STAC: variants seen among roughly 807,000 people sequenced by gnomAD.
STAC encodes the protein SH3 and cysteine rich domain, also known as SH3 and cysteine-rich domain-containing protein.
A neutral mutation model predicts 48.8 loss-of-function variants in STAC; 43 were observed. The observed-to-expected ratio is 0.88, with a 90% CI of 0.69 to 1.14. The LOEUF (loss-of-function observed/expected upper bound fraction) is 1.14, where lower values mean the gene tolerates loss of function less well. Among genes scored for constraint, STAC ranks in the 50% most tolerant of loss-of-function variants. The probability of loss-of-function intolerance (pLI) is 0.00; values close to 1 mark genes in which losing one functional copy is unlikely to be tolerated. For missense variants in STAC, 497 were observed against 504.0 expected (o/e 0.99, Z 0.13); for synonymous variants, 193 against 179.5 (o/e 1.07, Z -0.60).
intron 1 of STAC, among the ~76,000 whole-genome samples, chr3:36,413,259 AAT>A (rs57570544): frequency 0.023 from 3,530 of 152,142 alleles, 57 homozygotes; most frequent in East Asian, 0.026. Context: ...TGATCTGTCT[AAT>A]GTTGACAGTG....
chr3:36,443,332 G>A lies in STAC; in HGVS notation c.112-32G>A, dbSNP rs372827018. 2.3e-5 allele frequency: 37 copies of A among 1,612,546 alleles called. No homozygotes were observed. The highest frequency in any genetic ancestry group is 1.3e-4 in the Admixed American group (8 of 59,958). On this transcript the variant is annotated intron_variant, in intron 1 of 10. Coordinates refer to ENST00000273183, the MANE Select transcript of STAC (RefSeq NM_003149.3). The surrounding 1 kb of genome is among the most constrained non-coding windows in gnomAD (Gnocchi z 4.2). Reference sequence around the variant, plus strand: ...CCTAGGTCTGCTTGATCCATTGATCGTAAGAGAGACTGTTCTGTCATTGCA... The same window carrying A: ...CCTAGGTCTGCTTGATCCATTGATCATAAGAGAGACTGTTCTGTCATTGCA...
chr3:36,514,844 G>A (rs922481032), intron 8 of STAC, among the ~76,000 whole-genome samples: 1 of 152,018 alleles, frequency 6.6e-6, no homozygotes, highest in African/African-American at 2.4e-5. Context: ...AGACCAGTCT[G>A]GACAACATGG....
chr3:36,466,314 A>C (rs1233052782), intron 2 of STAC, among the ~76,000 whole-genome samples: 1 of 152,138 alleles, frequency 6.6e-6, no homozygotes, highest in Non-Finnish European at 1.5e-5. Context: ...TTTATAGTAT[A>C]GTTGGAAGTT....
At chr3:36,472,512 T>C (rs1697369019) in intron 2 of STAC, among the ~76,000 whole-genome samples, 2 of 152,244 alleles carry the variant, frequency 1.3e-5, no homozygotes, top group Admixed American at 1.3e-4. Flanking sequence ...TTTCTGAACT[T>C]TGATGCTGTT....
intron 1 of STAC, among the ~76,000 whole-genome samples, chr3:36,428,305 T>G (rs893287984): frequency 6.6e-6 from 1 of 152,220 alleles, no homozygotes; most frequent in African/African-American, 2.4e-5. Flanking sequence ...GAATAAGAGA[T>G]CCTGATGCTT....
At chr3:36,453,825 A>T (rs1696766339) in intron 2 of STAC, among the ~76,000 whole-genome samples, 1 of 152,192 alleles carries the variant, frequency 6.6e-6, no homozygotes, top group African/African-American at 2.4e-5. Flanking sequence ...AAACACACCG[A>T]TCGGCACTCT....
At chr3:36,536,460 A>G (rs143950599) in intron 10 of STAC, among the ~76,000 whole-genome samples, 4,507 of 152,218 alleles carry the variant, frequency 0.03, 243 homozygotes, top group African/African-American at 0.1. Context: ...CAACCATCTA[A>G]TCTTTGACAA....
intron 1 of STAC, among the ~76,000 whole-genome samples, chr3:36,439,069 A>G (rs993179551): frequency 8.6e-5 from 13 of 151,982 alleles, no homozygotes; most frequent in African/African-American, 3.1e-4. Flanking sequence ...ACTCTCCTCC[A>G]CTCCTCCATC....
intron 1 of STAC, among the ~76,000 whole-genome samples, chr3:36,442,586 A>C (rs1362902842): frequency 6.6e-6 from 1 of 152,192 alleles, no homozygotes; most frequent in African/African-American, 2.4e-5. Flanking sequence ...CAGTCCTGCC[A>C]GAATCTTGTG....
intron 1 of STAC, among the ~76,000 whole-genome samples, chr3:36,397,079 A>G (rs1699870998): frequency 6.6e-6 from 1 of 152,152 alleles, no homozygotes; most frequent in South Asian, 2.1e-4. Context: ...AAAAGTAAAC[A>G]CGGTTTTGTC....
At chr3:36,541,248 T>C (rs1200290730) in intron 10 of STAC, among the ~76,000 whole-genome samples, 1 of 152,086 alleles carries the variant, frequency 6.6e-6, no homozygotes, top group African/African-American at 2.4e-5. Context: ...TGGAACTAAG[T>C]TCTATGTAAA....
chr3:36,388,254 C>T (rs899942659), intron 1 of STAC, among the ~76,000 whole-genome samples: 1 of 152,026 alleles, frequency 6.6e-6, no homozygotes, highest in Non-Finnish European at 1.5e-5. Context: ...ATTTATTCAT[C>T]GAAAGGGTTA....
chr3:36,479,392 T>C (rs977747336), intron 2 of STAC, among the ~76,000 whole-genome samples: 1 of 152,162 alleles, frequency 6.6e-6, no homozygotes, highest in Admixed American at 6.5e-5. Flanking sequence ...CCTTTTATCT[T>C]CCAAATATAT....
At chr3:36,423,796 A>G (rs1317365573) in intron 1 of STAC, among the ~76,000 whole-genome samples, 1 of 152,162 alleles carries the variant, frequency 6.6e-6, no homozygotes, top group African/African-American at 2.4e-5. Context: ...ATCTGTTGCT[A>G]CAAGATGTTT....
intron 5 of STAC, 149 bp downstream of exon 5, chr3:36,486,398 C>T (rs764242246): frequency 1.7e-6 from 1 of 595,622 alleles, no homozygotes; most frequent in Non-Finnish European, 2.9e-6. Flanking sequence ...ACCCAAAGTG[C>T]TTTGAGCCAC....
intron 1 of STAC, among the ~76,000 whole-genome samples, chr3:36,388,854 G>A (rs961217446): frequency 2.0e-5 from 3 of 151,876 alleles, no homozygotes; most frequent in African/African-American, 7.2e-5. Context: ...ACTTATTATT[G>A]TACTGTACTC....
Position 36,528,741 on chromosome 3 carries a change from G to A in STAC, c.966G>A (p.Trp322Ter), listed in dbSNP as rs1698995325. The part of the protein sequence containing the change: ...ITLLEDSNED[W>*]WKGKIQDRIG... ...TTTTAGAGGATTCCAATGAAGACTGGTGGAAAGTAAGTGTTCCTCTTTCTT... is the reference window on the plus strand; with the variant it reads ...TTTTAGAGGATTCCAATGAAGACTGATGGAAAGTAAGTGTTCCTCTTTCTT... Residue 322 changes from tryptophan to a stop codon, truncating the protein, a stop_gained, in exon 9 of 11, where the codon TGG becomes TGA. Transcript: ENST00000273183. LOFTEE classifies it high-confidence loss of function. The A allele has an allele frequency of 6.2e-7, 1 of 1,606,404 alleles. No individual in the cohort carries two copies.
intron 1 of STAC, among the ~76,000 whole-genome samples, chr3:36,390,520 T>C (rs984088163): frequency 6.1e-5 from 9 of 146,808 alleles, no homozygotes; most frequent in African/African-American, 1.0e-4. Flanking sequence ...GATATCCTAA[T>C]ATTAAACTCT....
At chr3:36,519,497 G>A (rs1313582278) in intron 8 of STAC, among the ~76,000 whole-genome samples, 3 of 152,132 alleles carry the variant, frequency 2.0e-5, no homozygotes, top group African/African-American at 7.2e-5. Context: ...TAGGTTCATT[G>A]TTCTAAGTTT....
Sources: allele counts gnomAD v4.1 joint callset (sites outside exome capture counted in the v4.1 genomes callset), GRCh38; gene constraint gnomAD v4.1.1; non-coding constraint Gnocchi (gnomAD v3.1); transcripts MANE v1.5; gene names NCBI Gene and HGNC (gene_info 2026-07-23, HGNC 2026-07-21).